The following NAA25 variants were observed in gnomAD, a reference collection of about 807,000 sequenced individuals.
NAA25 encodes N-alpha-acetyltransferase 25, NatB auxiliary subunit, also known as N-terminal acetyltransferase B complex subunit NAA25.
In NAA25, 30 loss-of-function variants were observed where a neutral mutation model predicts 132.5. The observed-to-expected ratio is 0.23, with a 90% confidence interval of 0.17 to 0.31. The LOEUF is 0.31. Ranked by LOEUF, NAA25 falls within the 10% of genes least tolerant of loss-of-function variation. The pLI is 1.00. For missense variants in NAA25, 771 were observed against 1,150.4 expected, an observed-to-expected ratio of 0.67 and a Z score of 4.77; for synonymous variants, 359 against 401.9, an observed-to-expected ratio of 0.89 and a Z score of 1.28.
chr12:112,090,834 C>T lies in NAA25; in HGVS notation c.175G>A (p.Gly59Arg), dbSNP rs2136927651. The change falls in exon 3 of 24, where the codon GGA (glycine) becomes AGA (arginine). Residue 59 changes from glycine (G) to arginine (R), a missense_variant. This residue lies in a region of NAA25 where 417 missense variants were observed against 733.8 expected (regional missense o/e 0.57). Coordinates refer to ENST00000261745, the MANE Select transcript of NAA25 (RefSeq NM_024953.4). ...VLKAIGLQRTGKQEEAFTLAQ... is the reference protein window; with the variant it reads ...VLKAIGLQRTRKQEEAFTLAQ... ...AGAGTAAAGGCTTCCTCTTGCTTTCCAGTTCTCTGTAAACCAATTGCCTTT... is the reference window on the plus strand; with the variant it reads ...AGAGTAAAGGCTTCCTCTTGCTTTCTAGTTCTCTGTAAACCAATTGCCTTT... 6.2e-7 allele frequency: 1 copy of T among 1,613,350 alleles called. No homozygotes were observed. The highest frequency in any genetic ancestry group is 1.1e-5 in the South Asian group (1 of 90,930).
intron 4 of NAA25, among the ~76,000 whole-genome samples, chr12:112,085,889 G>A (rs987401408): frequency 6.7e-6 from 1 of 148,960 alleles, no homozygotes; most frequent in African/African-American, 2.5e-5. Flanking sequence ...GTGGTGACAT[G>A]TGCCTGTAGT....
intron 9 of NAA25, among the ~76,000 whole-genome samples, chr12:112,072,479 T>G (rs1208473331): frequency 6.6e-6 from 1 of 151,318 alleles, no homozygotes; most frequent in Non-Finnish European, 1.5e-5. Flanking sequence ...CGTGGTGGCA[T>G]GCACCTGTAG....
intron 4 of NAA25, among the ~76,000 whole-genome samples, chr12:112,086,808 T>C (rs1164741115): frequency 6.6e-6 from 1 of 151,982 alleles, no homozygotes; most frequent in African/African-American, 2.4e-5. Flanking sequence ...GGTCGGGAGT[T>C]TGAGACCAGC....
At chr12:112,086,073 T>TATATATATATATATATATAC (rs759148501) in intron 4 of NAA25, among the ~76,000 whole-genome samples, 6 of 53,962 alleles carry the variant, frequency 1.1e-4, no homozygotes, top group South Asian at 1.0e-3. Flanking sequence ...TATATATATA[T>TATATATATATATATATATAC]ACACACACAC....
intron 13 of NAA25, among the ~76,000 whole-genome samples, chr12:112,057,666 C>T (rs572104166): frequency 6.6e-6 from 1 of 152,136 alleles, no homozygotes; most frequent in Non-Finnish European, 1.5e-5. Context: ...ACCAGCCTGA[C>T]TAACATGGTG....
intron 9 of NAA25, 125 bp downstream of exon 9, chr12:112,074,549 AT>A (rs1485947290): frequency 5.7e-6 from 3 of 523,730 alleles, no homozygotes; most frequent in Non-Finnish European, 1.0e-5. Context: ...ATATGAAAAA[AT>A]GTCTTACTTT....
intron 1 of NAA25, among the ~76,000 whole-genome samples, chr12:112,096,838 G>C (rs1015695450): frequency 1.3e-5 from 2 of 152,162 alleles, no homozygotes; most frequent in Admixed American, 6.6e-5. Flanking sequence ...GTCCTGCAAG[G>C]TTCCAGGTTC....
chr12:112,065,014 A>G (rs1207776924), intron 11 of NAA25, among the ~76,000 whole-genome samples: 1 of 152,112 alleles, frequency 6.6e-6, no homozygotes, highest in Non-Finnish European at 1.5e-5. Context: ...AGCCTGGGCA[A>G]GAAGAGCGAA....
intron 20 of NAA25, 45 bp downstream of exon 20, chr12:112,041,994 A>G (rs376646729): frequency 1.9e-4 from 219 of 1,173,488 alleles, no homozygotes; most frequent in Middle Eastern, 1.5e-3. Flanking sequence ...AGCTATTGCC[A>G]TACAACCAGA....
intron 13 of NAA25, among the ~76,000 whole-genome samples, chr12:112,059,117 A>C (rs868852605): frequency 6.3e-5 from 8 of 126,798 alleles, no homozygotes; most frequent in Non-Finnish European, 1.1e-4. Context: ...AAAAAAAAAA[A>C]AAAAAACTAG....
intron 4 of NAA25, among the ~76,000 whole-genome samples, chr12:112,086,166 C>T (rs11066156): frequency 0.22 from 30,699 of 141,226 alleles, 5,314 homozygotes; most frequent in East Asian, 0.86. Flanking sequence ...AATAAATTAA[C>T]AAAATGTTAT....
chr12:112,076,964 C>A (rs1449752449), intron 7 of NAA25, among the ~76,000 whole-genome samples: 13 of 152,058 alleles, frequency 8.5e-5, no homozygotes, highest in African/African-American at 3.1e-4. Flanking sequence ...CCACTGCATT[C>A]TAGCCTGGCT....
intron 11 of NAA25, among the ~76,000 whole-genome samples, chr12:112,063,697 C>T (rs1330950955): frequency 6.6e-6 from 1 of 151,910 alleles, no homozygotes; most frequent in Non-Finnish European, 1.5e-5. Flanking sequence ...CAACTAATCA[C>T]CTTACACAGA....
intron 1 of NAA25, among the ~76,000 whole-genome samples, chr12:112,098,704 T>C (rs1421670464): frequency 1.3e-5 from 2 of 152,176 alleles, no homozygotes; most frequent in Non-Finnish European, 2.9e-5. Context: ...CCATTCCAAA[T>C]GAAATGTTTT....
chr12:112,035,666 T>G (rs539401184), intron 22 of NAA25, among the ~76,000 whole-genome samples: 1 of 147,868 alleles, frequency 6.8e-6, no homozygotes, highest in South Asian at 2.2e-4. Flanking sequence ...AATTTACAAC[T>G]GAAACATCAA....
Position 112,039,221 on chromosome 12 carries a change from G to T in NAA25, c.2649+8C>A. 1 of 1,512,410 alleles carries T rather than the reference G, an allele frequency of 6.6e-7. No individual in the cohort carries two copies. Among genetic ancestry groups the T allele is most frequent in the Non-Finnish European group, 9.1e-7 (1 of 1,099,284 alleles). 93.7% of individuals were successfully genotyped at this position (1,512,410 alleles called of 1,614,324 possible). On this transcript the variant is annotated splice_region_variant and intron_variant, in intron 22 of 23. Transcript: ENST00000261745. ...TTCCTTGTATATCACTTGTGTTACT[G>T]TTATTACCATGATGATGCTGGTTTC...
chr12:112,062,439 C>T (rs1593782983), intron 11 of NAA25, among the ~76,000 whole-genome samples: 2 of 150,312 alleles, frequency 1.3e-5, no homozygotes, highest in Admixed American at 1.3e-4. Flanking sequence ...AAAAATAGGC[C>T]GGGTGTGGTG....
In NAA25 at chr12:112,053,664, C is replaced by T. The variant is rs2078500246; in HGVS notation, c.1629-7G>A. The T allele has an allele frequency of 6.3e-7, 1 of 1,584,710 alleles. No homozygotes were observed. Among genetic ancestry groups the T allele is most frequent in the Admixed American group, 1.7e-5 (1 of 58,708 alleles). On this transcript the variant is annotated splice_polypyrimidine_tract_variant and splice_region_variant and intron_variant, in intron 14 of 23. Transcript: ENST00000261745. ...ATATCGGGTCAAAAGATAACTAGAT[C>T]AGAAGGAAAGAAGGAAAAAAAAAGA...
At chr12:112,047,992 G>A (rs996162749) in intron 16 of NAA25, among the ~76,000 whole-genome samples, 6 of 152,122 alleles carry the variant, frequency 3.9e-5, no homozygotes, top group African/African-American at 1.4e-4. Flanking sequence ...AAAACAAAGG[G>A]GATCAGCATT....
Sources: allele counts gnomAD v4.1 joint callset (sites outside exome capture counted in the v4.1 genomes callset), GRCh38; gene constraint gnomAD v4.1.1; regional missense constraint gnomAD v4.1.1; transcripts MANE v1.5; gene names NCBI Gene and HGNC (gene_info 2026-07-23, HGNC 2026-07-21).